The following DLGAP1 variants were observed in gnomAD, a reference collection of about 807,000 sequenced individuals.
DLGAP1 encodes the protein disks large-associated protein 1.
In DLGAP1, 11 loss-of-function variants were observed where a neutral mutation model predicts 90.8. That is an observed-to-expected ratio of 0.12 (90% CI 0.08 to 0.20). The LOEUF (loss-of-function observed/expected upper bound fraction) is 0.20, where lower values mean the gene tolerates loss of function less well. DLGAP1 is among the 10% of genes least tolerant of loss of function. The pLI, the probability that DLGAP1 is intolerant of heterozygous loss-of-function variation, is 1.00. For missense variants in DLGAP1, 1,050 were observed against 1,333.8 expected, an observed-to-expected ratio of 0.79 and a Z score of 3.31; for synonymous variants, 558 against 540.7, an observed-to-expected ratio of 1.03 and a Z score of -0.44.
intron 3 of DLGAP1, chr18:3,978,152 TG>T: frequency 4.4e-6 from 2 of 452,608 alleles, no homozygotes; most frequent in South Asian, 1.6e-5. Flanking sequence ...TGACCTTGGC[TG>T]GTGGGGGGCA....
chr18:4,114,279 G>A (rs1381559606), intron 2 of DLGAP1, among the ~76,000 whole-genome samples: 1 of 151,982 alleles, frequency 6.6e-6, no homozygotes, highest in Non-Finnish European at 1.5e-5. Context: ...ATTTCTTTCA[G>A]CAGTATTTTG....
intron 2 of DLGAP1, among the ~76,000 whole-genome samples, chr18:4,136,404 A>G (rs549959666): frequency 1.3e-5 from 2 of 152,226 alleles, no homozygotes; most frequent in South Asian, 4.1e-4. Context: ...AGCATTTGTT[A>G]TTATCTGTCT....
At chr18:3,516,965 G>C (rs532947738) in intron 10 of DLGAP1, among the ~76,000 whole-genome samples, 1 of 152,322 alleles carries the variant, frequency 6.6e-6, no homozygotes, top group South Asian at 2.1e-4. Flanking sequence ...CTCTATCAGA[G>C]CTCTTGGTTG....
chr18:3,759,004 GT>G (rs1300419916), intron 5 of DLGAP1, among the ~76,000 whole-genome samples: 1 of 152,122 alleles, frequency 6.6e-6, no homozygotes, highest in Non-Finnish European at 1.5e-5. Flanking sequence ...AACTTCTAAA[GT>G]TTAAGATACA....
chr18:3,504,963 T>C (rs2143695729), intron 11 of DLGAP1, among the ~76,000 whole-genome samples: 1 of 152,220 alleles, frequency 6.6e-6, no homozygotes, highest in Non-Finnish European at 1.5e-5. Flanking sequence ...TTTAGTTACG[T>C]TGGAAGAGGC....
At chr18:3,784,464 T>G (rs1323726438) in intron 5 of DLGAP1, among the ~76,000 whole-genome samples, 1 of 152,222 alleles carries the variant, frequency 6.6e-6, no homozygotes, top group Non-Finnish European at 1.5e-5. Context: ...GCCGTGTATG[T>G]GTTATTTTTT....
At chr18:3,743,499 C>T (rs956203400) in intron 5 of DLGAP1, among the ~76,000 whole-genome samples, 6 of 151,552 alleles carry the variant, frequency 4.0e-5, no homozygotes, top group Non-Finnish European at 2.9e-5. Context: ...GGACTACAGG[C>T]ACCTGCCACC....
rs2075932694 is a variant in DLGAP1 at position 4,109,493 on chromosome 18, G to T, written c.-159+41687C>A. On this transcript the variant is annotated intron_variant, in intron 2 of 12. Transcript: ENST00000315677. ...ATGGTTACTGTAGTGTTCAGAGAAG[G>T]CTAAAGTGTCCATTGGCTTTGGAGC... Among the ~76,000 whole-genome samples, 3 of 152,148 alleles carry T rather than the reference G, an allele frequency of 2.0e-5. No individual in the cohort carries two copies. The South Asian group carries it at 6.2e-4, about 32-fold the overall frequency.
At chr18:3,587,305 T>C (rs534304264) in intron 7 of DLGAP1, among the ~76,000 whole-genome samples, 122 of 152,266 alleles carry the variant, frequency 8.0e-4, no homozygotes, top group African/African-American at 2.9e-3. Context: ...TTCACCTGCC[T>C]CGGCCTCCCA....
chr18:3,930,851 C>T (rs969327753), intron 3 of DLGAP1, among the ~76,000 whole-genome samples: 1 of 152,200 alleles, frequency 6.6e-6, no homozygotes, highest in African/African-American at 2.4e-5. Context: ...CCCACTAGCC[C>T]TCAAAATATC....
At chr18:3,736,026 CAA>C (rs2147551655) in intron 6 of DLGAP1, among the ~76,000 whole-genome samples, 3 of 152,164 alleles carry the variant, frequency 2.0e-5, no homozygotes, top group Admixed American at 2.0e-4. Flanking sequence ...TGGCCTAAGT[CAA>C]AGTCACGGCT....
intron 1 of DLGAP1, among the ~76,000 whole-genome samples, chr18:4,402,558 T>C (rs1329948261): frequency 6.6e-6 from 1 of 152,154 alleles, no homozygotes; most frequent in Non-Finnish European, 1.5e-5. Flanking sequence ...CAGGGTGAAA[T>C]GACATTTTCA....
intron 7 of DLGAP1, among the ~76,000 whole-genome samples, chr18:3,663,270 T>TAA (rs377367189): frequency 1.4e-5 from 2 of 143,754 alleles, no homozygotes; most frequent in South Asian, 2.2e-4. Flanking sequence ...AGACTCCCCC[T>TAA]AAAAAAAAAA....
At chr18:4,222,936 A>G (rs1189916371) in intron 1 of DLGAP1, among the ~76,000 whole-genome samples, 1 of 152,098 alleles carries the variant, frequency 6.6e-6, no homozygotes, top group African/African-American at 2.4e-5. Flanking sequence ...AACAGAAAAG[A>G]AATAAAAGAA....
At chr18:4,086,742 A>G (rs1158216715) in intron 2 of DLGAP1, among the ~76,000 whole-genome samples, 4 of 151,970 alleles carry the variant, frequency 2.6e-5, no homozygotes. Flanking sequence ...AATGCTCCAT[A>G]TGCACTTAAA....
At chr18:4,197,836 G>A (rs987137355) in intron 1 of DLGAP1, among the ~76,000 whole-genome samples, 3 of 152,164 alleles carry the variant, frequency 2.0e-5, no homozygotes, top group African/African-American at 7.2e-5. Context: ...AATGAGAAGA[G>A]TGGGCATCCA....
At chr18:3,593,132 G>A (rs1035301775) in intron 7 of DLGAP1, among the ~76,000 whole-genome samples, 2 of 151,168 alleles carry the variant, frequency 1.3e-5, no homozygotes, top group African/African-American at 4.9e-5. Flanking sequence ...CCCGCCCCCC[G>A]CCAGTAAACA....
At chr18:4,116,887 G>A (rs2076071956) in intron 2 of DLGAP1, among the ~76,000 whole-genome samples, 2 of 152,124 alleles carry the variant, frequency 1.3e-5, no homozygotes, top group Non-Finnish European at 2.9e-5. Flanking sequence ...CCTTTCTTCT[G>A]TCTGTGTATC....
intron 1 of DLGAP1, among the ~76,000 whole-genome samples, chr18:4,228,108 G>GAA (rs35904974): frequency 1.4e-5 from 2 of 145,160 alleles, no homozygotes; most frequent in African/African-American, 5.0e-5. Context: ...TAGAAGAAAT[G>GAA]AAAAAAAAAA....
Sources: allele counts gnomAD v4.1 joint callset (sites outside exome capture counted in the v4.1 genomes callset), GRCh38; gene constraint gnomAD v4.1.1; transcripts MANE v1.5; gene names NCBI Gene and HGNC (gene_info 2026-07-23, HGNC 2026-07-21).